The following CCDC148 variants were observed in gnomAD, a reference collection of about 807,000 sequenced individuals.
The protein encoded by CCDC148 is coiled-coil domain-containing protein 148.
In CCDC148, 89 loss-of-function variants were observed where a neutral mutation model predicts 85.7. The ratio of observed to expected loss-of-function variants is 1.04; its 90% CI spans 0.87 to 1.24. CCDC148 has a LOEUF of 1.24. Ranked by LOEUF, CCDC148 falls within the 50% of genes most tolerant of loss-of-function variation. CCDC148 has a pLI of 0.00. For synonymous variants in CCDC148, 230 were observed against 213.9 expected (o/e 1.08, Z -0.66); for missense variants, 692 against 671.7 (o/e 1.03, Z -0.33).
intron 10 of CCDC148, among the ~76,000 whole-genome samples, chr2:158,246,497 A>T (rs1399577397): frequency 6.6e-6 from 1 of 152,126 alleles, no homozygotes; most frequent in African/African-American, 2.4e-5. Flanking sequence ...ATACACGCAC[A>T]CACACTGCCC....
At chr2:158,190,449 T>A (rs1424222806) in intron 11 of CCDC148, among the ~76,000 whole-genome samples, 2 of 151,896 alleles carry the variant, frequency 1.3e-5, no homozygotes, top group Non-Finnish European at 2.9e-5. Flanking sequence ...CCCAGAGCAA[T>A]TAGAAACACC....
intron 9 of CCDC148, among the ~76,000 whole-genome samples, chr2:158,283,580 T>C (rs751921970): frequency 1.9e-4 from 29 of 152,178 alleles, no homozygotes; most frequent in Non-Finnish European, 3.4e-4. Context: ...AATGAGATAC[T>C]ATCTCACAAC....
rs1056606592 is a variant in CCDC148, at chr2:158,345,931, G to A, written c.148-613C>T. 2.0e-5 allele frequency among the ~76,000 whole-genome samples: 3 copies of A among 152,140 alleles called. No individual in the cohort carries two copies. The East Asian group carries it at 5.8e-4, about 29-fold the overall frequency. On this transcript the variant is annotated intron_variant, in intron 2 of 13. Transcript: ENST00000283233. The stretch of plus-strand genomic sequence containing the variant: ...CACAATTTTAGTCTTTCAACTCTAA[G>A]TGCGTCTTTGTAAAAAAATTTTTTT...
At chr2:158,215,401 A>C (rs1482992392) in intron 11 of CCDC148, among the ~76,000 whole-genome samples, 3 of 152,200 alleles carry the variant, frequency 2.0e-5, no homozygotes, top group African/African-American at 4.8e-5. Context: ...CCAGAGATAC[A>C]AAAGAAGTAT....
At chr2:158,297,977 A>G (rs1260950590) in intron 9 of CCDC148, among the ~76,000 whole-genome samples, 1 of 152,250 alleles carries the variant, frequency 6.6e-6, no homozygotes, top group Non-Finnish European at 1.5e-5. Context: ...TAAAGGAAAA[A>G]GGTTTAATTG....
At chr2:158,422,756 A>G (rs1173005499) in intron 1 of CCDC148, among the ~76,000 whole-genome samples, 1 of 152,150 alleles carries the variant, frequency 6.6e-6, no homozygotes, top group Non-Finnish European at 1.5e-5. Flanking sequence ...GGAGAAAGAA[A>G]TAAAGGGTAT....
chr2:158,249,601 T>C (rs1688706876), intron 10 of CCDC148, among the ~76,000 whole-genome samples: 1 of 152,166 alleles, frequency 6.6e-6, no homozygotes, highest in Admixed American at 6.6e-5. Flanking sequence ...ATAACTTCTA[T>C]GTATGTTGTT....
chr2:158,238,197 G>A (rs1688196398), intron 10 of CCDC148, among the ~76,000 whole-genome samples: 1 of 152,076 alleles, frequency 6.6e-6, no homozygotes, highest in African/African-American at 2.4e-5. Flanking sequence ...TATTTTTAGG[G>A]TACCTGGAAA....
At chr2:158,360,643 A>T (rs1683898154) in intron 1 of CCDC148, among the ~76,000 whole-genome samples, 1 of 152,166 alleles carries the variant, frequency 6.6e-6, no homozygotes, top group Non-Finnish European at 1.5e-5. Flanking sequence ...AACAAAAAGG[A>T]TGTCCACTCG....
chr2:158,280,553 G>T (rs2105174538), intron 9 of CCDC148, among the ~76,000 whole-genome samples: 1 of 152,234 alleles, frequency 6.6e-6, no homozygotes, highest in African/African-American at 2.4e-5. Flanking sequence ...ATGGTAAAGG[G>T]ATCAATTCAA....
intron 9 of CCDC148, among the ~76,000 whole-genome samples, chr2:158,278,120 T>C (rs1004713886): frequency 6.6e-6 from 1 of 152,170 alleles, no homozygotes; most frequent in African/African-American, 2.4e-5. Context: ...AAAACATAAA[T>C]TTATTTGAAA....
chr2:158,217,637 C>A (rs1686957904), intron 11 of CCDC148, among the ~76,000 whole-genome samples: 1 of 152,050 alleles, frequency 6.6e-6, no homozygotes. Context: ...ATCTCCTGAC[C>A]TTGTGATCCA....
At chr2:158,418,540 G>A (rs1035973754) in intron 1 of CCDC148, among the ~76,000 whole-genome samples, 2 of 152,038 alleles carry the variant, frequency 1.3e-5, no homozygotes, top group Non-Finnish European at 2.9e-5. Context: ...TGTTGCATTT[G>A]TTTGGGAAGT....
At chr2:158,179,904 C>T (rs1383307895) in intron 11 of CCDC148, among the ~76,000 whole-genome samples, 1 of 152,150 alleles carries the variant, frequency 6.6e-6, no homozygotes, top group African/African-American at 2.4e-5. Flanking sequence ...CCCTTAAAAT[C>T]ATCGGCTATT....
At chr2:158,308,448 A>G (rs1013027306) in intron 9 of CCDC148, among the ~76,000 whole-genome samples, 1 of 147,340 alleles carries the variant, frequency 6.8e-6, no homozygotes, top group African/African-American at 2.5e-5. Context: ...AGCTTATGCA[A>G]TGTCAAAAGA....
chr2:158,254,960 A>G (rs569197705), intron 9 of CCDC148, among the ~76,000 whole-genome samples: 1 of 149,296 alleles, frequency 6.7e-6, no homozygotes, highest in African/African-American at 2.5e-5. Flanking sequence ...TGTCTTTGGC[A>G]AGTCTAAATG....
At chr2:158,317,412 T>A (rs1692331232) in intron 7 of CCDC148, among the ~76,000 whole-genome samples, 1 of 152,188 alleles carries the variant, frequency 6.6e-6, no homozygotes, top group African/African-American at 2.4e-5. Flanking sequence ...CATTCAATTC[T>A]CATTCACCAT....
chr2:158,214,077 A>G (rs1270603544), intron 11 of CCDC148, among the ~76,000 whole-genome samples: 1 of 149,882 alleles, frequency 6.7e-6, no homozygotes, highest in Non-Finnish European at 1.5e-5. Context: ...AACTTGGAGC[A>G]TAGAGTTACA....
At chr2:158,255,557 C>T (rs539903672) in intron 9 of CCDC148, among the ~76,000 whole-genome samples, 37 of 151,634 alleles carry the variant, frequency 2.4e-4, no homozygotes, top group South Asian at 2.1e-3. Flanking sequence ...ATTTTCAAGA[C>T]GCCTAAGGAT....
Sources: allele counts gnomAD v4.1 joint callset (sites outside exome capture counted in the v4.1 genomes callset), GRCh38; gene constraint gnomAD v4.1.1; transcripts MANE v1.5; gene names NCBI Gene and HGNC (gene_info 2026-07-23, HGNC 2026-07-21).